RYR2: variants seen among roughly 807,000 people sequenced by gnomAD.
The protein encoded by RYR2 is ryanodine receptor 2.
RYR2 carries 227 observed loss-of-function variants against 601.1 expected under a neutral mutation model. That is an observed-to-expected ratio of 0.38 (90% CI 0.34 to 0.42). The LOEUF (loss-of-function observed/expected upper bound fraction) is 0.42, where lower values mean the gene tolerates loss of function less well. Ranked by LOEUF, RYR2 falls within the 10% of genes least tolerant of loss-of-function variation. The probability of loss-of-function intolerance (pLI) is 1.00; values close to 1 mark genes in which losing one functional copy is unlikely to be tolerated. For synonymous variants in RYR2, 2,223 were observed against 2,175.1 expected (o/e 1.02, Z -0.61); for missense variants, 4,646 against 6,156.5 (o/e 0.75, Z 8.21).
chr1:237,460,323 G>T (rs561801392), intron 16 of RYR2, among the ~76,000 whole-genome samples: 1 of 152,144 alleles, frequency 6.6e-6, no homozygotes, highest in Admixed American at 6.5e-5. Context: ...TGAACCAGTC[G>T]TTCTGGCAAG....
intron 49 of RYR2, 73 bp from the exon 50 acceptor site, chr1:237,649,804 C>T: frequency 1.6e-6 from 2 of 1,246,752 alleles, no homozygotes; most frequent in South Asian, 2.7e-5. Context: ...AATTGTATGT[C>T]CCCATGTTAA....
At chr1:237,582,603 GTT>G (rs1259347290) in intron 29 of RYR2, among the ~76,000 whole-genome samples, 1 of 151,948 alleles carries the variant, frequency 6.6e-6, no homozygotes, top group South Asian at 2.1e-4. Flanking sequence ...CCCAGTTTCT[GTT>G]TTTGCCATCC....
chr1:237,205,350 G>T (rs1572195682), intron 1 of RYR2, among the ~76,000 whole-genome samples: 1 of 152,180 alleles, frequency 6.6e-6, no homozygotes, highest in East Asian at 1.9e-4. Context: ...CTTGCTGCCT[G>T]CCACGAAATG....
intron 1 of RYR2, among the ~76,000 whole-genome samples, chr1:237,108,542 A>G (rs554635202): frequency 6.6e-6 from 1 of 152,314 alleles, no homozygotes; most frequent in Non-Finnish European, 1.5e-5. Context: ...AACAGAGAAC[A>G]GGGCTGAGCT....
chr1:237,245,669 A>G (rs1180138669), intron 1 of RYR2, among the ~76,000 whole-genome samples: 2 of 152,210 alleles, frequency 1.3e-5, no homozygotes, highest in Non-Finnish European at 2.9e-5. Flanking sequence ...TTATAGACTA[A>G]TTTTGATTTA....
chr1:237,129,604 A>C (rs1011491814), intron 1 of RYR2, among the ~76,000 whole-genome samples: 1 of 151,816 alleles, frequency 6.6e-6, no homozygotes, highest in Non-Finnish European at 1.5e-5. Flanking sequence ...CTAAGTGTCT[A>C]TAATGGGTAA....
Position 237,578,245 on chromosome 1 carries a change from G to T in RYR2, c.3598+8926G>T, listed in dbSNP as rs115741259. Among the ~76,000 whole-genome samples, 588 of 152,180 alleles carry T rather than the reference G, an allele frequency of 3.9e-3. 7 individuals are homozygous for T. Among genetic ancestry groups the T allele is most frequent in the African/African-American group, 0.013 (557 of 41,512 alleles). ...TCATGTTCCTGATAAGGTGAAGGGGGGTGTGATCTCAAGCACAAGTGGATG... is the reference window on the plus strand; with the variant it reads ...TCATGTTCCTGATAAGGTGAAGGGGTGTGTGATCTCAAGCACAAGTGGATG... On this transcript the variant is annotated intron_variant, in intron 29 of 104. Coordinates refer to ENST00000366574, the MANE Select transcript of RYR2 (RefSeq NM_001035.3).
chr1:237,252,844 T>G (rs1213446292), intron 1 of RYR2, among the ~76,000 whole-genome samples: 1 of 152,148 alleles, frequency 6.6e-6, no homozygotes, highest in Non-Finnish European at 1.5e-5. Flanking sequence ...TCTTTCCACT[T>G]AATCCATATT....
intron 3 of RYR2, among the ~76,000 whole-genome samples, chr1:237,350,407 TAAAAATACA>T (rs1698664144): frequency 1.3e-5 from 2 of 150,844 alleles, no homozygotes; most frequent in South Asian, 4.2e-4. Flanking sequence ...CTGTCTCTGC[TAAAAATACA>T]AAAAATTAGC....
At chr1:237,184,548 C>T (rs940794087) in intron 1 of RYR2, among the ~76,000 whole-genome samples, 1 of 152,164 alleles carries the variant, frequency 6.6e-6, no homozygotes, top group Non-Finnish European at 1.5e-5. Context: ...AGTTGCATGA[C>T]TTGCAAGGTT....
At chr1:237,584,659 T>TTTTTTTG (rs1674318711) in intron 29 of RYR2, among the ~76,000 whole-genome samples, 3 of 138,240 alleles carry the variant, frequency 2.2e-5, no homozygotes, top group Non-Finnish European at 3.1e-5. Context: ...GTTTTTTTTT[T>TTTTTTTG]TTTTTTTTTT....
intron 60 of RYR2, among the ~76,000 whole-genome samples, chr1:237,677,787 C>T (rs911489616): frequency 1.3e-5 from 2 of 152,130 alleles, no homozygotes; most frequent in Non-Finnish European, 2.9e-5. Flanking sequence ...AATAAGATCT[C>T]AAAGCTACAC....
chr1:237,637,024 A>G (rs1573259035), intron 44 of RYR2, among the ~76,000 whole-genome samples: 1 of 152,136 alleles, frequency 6.6e-6, no homozygotes, highest in Non-Finnish European at 1.5e-5. Flanking sequence ...GTCTGGGACT[A>G]GGTGTGTGGG....
intron 1 of RYR2, among the ~76,000 whole-genome samples, chr1:237,223,639 A>G (rs1684061243): frequency 6.6e-6 from 1 of 152,010 alleles, no homozygotes; most frequent in South Asian, 2.1e-4. Context: ...GAGGGAGAGA[A>G]CTCACTAGTC....
At chr1:237,712,584 A>G (rs1450328787) in intron 71 of RYR2, among the ~76,000 whole-genome samples, 1 of 152,112 alleles carries the variant, frequency 6.6e-6, no homozygotes, top group African/African-American at 2.4e-5. Context: ...ACCAAAAGTC[A>G]GTATAATGTA....
rs144524583 is a variant in RYR2 at position 237,407,777 on chromosome 1, C to T, written c.774-9272C>T. On this transcript the variant is annotated intron_variant, in intron 10 of 104. Transcript: ENST00000366574. ...GACTACAGGTGCCCACCACCATGCC[C>T]GGCTAATTTTTTGTGTTTTTAGTAG... is the stretch of plus-strand genomic sequence containing the variant. Among the ~76,000 whole-genome samples the T allele has an allele frequency of 6.6e-3, 995 of 151,870 alleles. 3 individuals are homozygous for T. Among genetic ancestry groups the T allele is most frequent in the Non-Finnish European group, 0.011 (770 of 67,932 alleles).
intron 1 of RYR2, among the ~76,000 whole-genome samples, chr1:237,059,067 C>A (rs777979160): frequency 6.6e-6 from 1 of 151,996 alleles, no homozygotes. Flanking sequence ...AGGACCTGAA[C>A]GTCAGTAGAG....
At chr1:237,061,554 C>T (rs1027211074) in intron 1 of RYR2, among the ~76,000 whole-genome samples, 18 of 152,208 alleles carry the variant, frequency 1.2e-4, no homozygotes, top group Admixed American at 1.0e-3. Context: ...TCAAGTGCTC[C>T]TTCCAAAGTG....
chr1:237,426,325 G>A (rs1454491776), intron 12 of RYR2, among the ~76,000 whole-genome samples: 1 of 152,132 alleles, frequency 6.6e-6, no homozygotes, highest in Non-Finnish European at 1.5e-5. Flanking sequence ...TCCTTGCAAA[G>A]CATCTGTATC....
Sources: allele counts gnomAD v4.1 joint callset (sites outside exome capture counted in the v4.1 genomes callset), GRCh38; gene constraint gnomAD v4.1.1; transcripts MANE v1.5; gene names NCBI Gene and HGNC (gene_info 2026-07-23, HGNC 2026-07-21).